The following TRIM39 variants were observed in gnomAD, a reference collection of about 807,000 sequenced individuals.
TRIM39 encodes tripartite motif containing 39, also known as E3 ubiquitin-protein ligase TRIM39.
In TRIM39, 5 loss-of-function variants were observed where a neutral mutation model predicts 53.6. The observed-to-expected ratio is 0.09, with a 90% CI of 0.05 to 0.20. TRIM39 has a LOEUF of 0.20. Ranked by LOEUF, TRIM39 falls within the 10% of genes least tolerant of loss-of-function variation. TRIM39 has a pLI of 1.00. For missense variants in TRIM39, 310 were observed against 621.0 expected (o/e 0.50, Z 5.32); for synonymous variants, 196 against 237.6 (o/e 0.82, Z 1.61).
rs181269032 is a variant in TRIM39 at position 30,333,741 on chromosome 6, C to T, written c.550-2004C>T. ...GTTCACTATGCCGGATTGTCTCACA[C>T]ATTGGAGGAGTGCTTGCGTCATTGT... is the stretch of plus-strand genomic sequence containing the variant. On this transcript the variant is annotated intron_variant, in intron 4 of 7. Coordinates refer to ENST00000396551, the Ensembl canonical transcript of TRIM39. Among the ~76,000 whole-genome samples, 1,094 of 152,232 alleles carry T rather than the reference C, an allele frequency of 7.2e-3. 11 individuals carry two copies. The highest frequency in any genetic ancestry group is 0.013 in the Non-Finnish European group (862 of 68,014).
intron 4 of TRIM39, among the ~76,000 whole-genome samples, chr6:30,332,895 T>G (rs182542527): frequency 5.9e-5 from 9 of 152,334 alleles, no homozygotes; most frequent in Admixed American, 2.0e-4. Flanking sequence ...AAAAATAATT[T>G]GTAATTATGC....
At chr6:30,343,068 A>T (rs140362243) in exon 8 of TRIM39, 6 of 152,802 alleles carry the variant, frequency 3.9e-5, no homozygotes, top group African/African-American at 1.2e-4. Context: ...GAGATCCTGC[A>T]AGACACATCT....
At chr6:30,329,410 G>A (rs1379928878) in exon 3 of TRIM39, 6 of 1,613,066 alleles carry the variant, frequency 3.7e-6, no homozygotes, top group Non-Finnish European at 5.1e-6. Flanking sequence ...GCTGCTCTGT[G>A]TGCCTGGAGT....
intron 4 of TRIM39, among the ~76,000 whole-genome samples, chr6:30,331,280 A>C (rs1331992609): frequency 1.0e-4 from 3 of 29,734 alleles, no homozygotes; most frequent in Admixed American, 4.2e-4. Context: ...AACAAACAAA[A>C]AAAACAAACA....
At chr6:30,337,329 C>T (rs189727166) in intron 5 of TRIM39, among the ~76,000 whole-genome samples, 9 of 152,120 alleles carry the variant, frequency 5.9e-5, no homozygotes, top group African/African-American at 1.9e-4. Context: ...CGCTTGAACC[C>T]GAGAGGCAGA....
At position 30,338,974 on chromosome 6, in the gene TRIM39, A is replaced by G. The variant is rs2127407914; in HGVS notation, c.781-934A>G. Among the ~76,000 whole-genome samples the G allele has an allele frequency of 6.6e-6, 1 of 152,174 alleles. No homozygotes were observed. ...TTGAAGCAGTGAGGCTTCATTGTAC[A>G]TTTATTTTTATGTTACGTATTGCTT... On this transcript the variant is annotated intron_variant, in intron 5 of 7. Coordinates refer to ENST00000396551, the Ensembl canonical transcript of TRIM39. The surrounding 1 kb of genome is among the most constrained non-coding windows in gnomAD (Gnocchi z 4.0).
intron 5 of TRIM39, among the ~76,000 whole-genome samples, chr6:30,337,787 C>T (rs1787042803): frequency 6.6e-6 from 1 of 152,224 alleles, no homozygotes. Flanking sequence ...CAGGCATTGA[C>T]TTCTCTCGAA....
At chr6:30,341,483 G>A (rs751475391) in intron 7 of TRIM39, 12 of 754,314 alleles carry the variant, frequency 1.6e-5, no homozygotes, top group Non-Finnish European at 2.6e-5. Context: ...ACCAGCCACT[G>A]CAGACTCAAG....
At chr6:30,327,190 C>T (rs1044492808) in intron 1 of TRIM39, 195 bp downstream of exon 1, 2 of 152,712 alleles carry the variant, frequency 1.3e-5, no homozygotes, top group Admixed American at 1.3e-4. Context: ...GCTTGGCTAC[C>T]CCGCCGTTCC....
chr6:30,337,099 C>G lies in TRIM39; in HGVS notation c.780+1124C>G, dbSNP rs571183159. Among the ~76,000 whole-genome samples the G allele has an allele frequency of 1.0e-3, 157 of 152,034 alleles. 3 individuals are homozygous for G. Among genetic ancestry groups the G allele is most frequent in the Admixed American group, 1.2e-3 (19 of 15,252 alleles). On this transcript the variant is annotated intron_variant, in intron 5 of 7. Transcript: ENST00000396551. The stretch of plus-strand genomic sequence containing the variant: ...ATCTTTTTTTCTGAGCAGTAGGTCT[C>G]AACTTAAAATTTTCAGTAAAGGGTT...
chr6:30,336,886 CTATT>C (rs1786928362), intron 5 of TRIM39, among the ~76,000 whole-genome samples: 1 of 152,164 alleles, frequency 6.6e-6, no homozygotes, highest in Non-Finnish European at 1.5e-5. Context: ...AGAAAAATCA[CTATT>C]TATAGCAGCT....
intron 4 of TRIM39, among the ~76,000 whole-genome samples, chr6:30,334,890 C>T (rs758566230): frequency 9.9e-5 from 15 of 151,940 alleles, no homozygotes; most frequent in Non-Finnish European, 1.9e-4. Flanking sequence ...TTGCCATGCC[C>T]GACTAATTTT....
chr6:30,341,825 C>T (rs1375880274), exon 8 of TRIM39: 1 of 1,613,052 alleles, frequency 6.2e-7, no homozygotes. Context: ...CACACCAAGG[C>T]GTTTCACCTT....
chr6:30,330,267 A>T (rs1785971278), intron 3 of TRIM39, among the ~76,000 whole-genome samples: 1 of 152,230 alleles, frequency 6.6e-6, no homozygotes, highest in Non-Finnish European at 1.5e-5. Flanking sequence ...CTGCTGAGAC[A>T]AAGGAAAATG....
In TRIM39 at chr6:30,342,472, G is replaced by C. The variant is rs1470159317; in HGVS notation, c.*213G>C. The stretch of plus-strand genomic sequence containing the variant: ...GCTGTGACTTCCTCCTAACTGTCAG[G>C]GTGGGGAGCTGGTTCCCAGAGGATT... On this transcript the variant is annotated 3_prime_UTR_variant, in exon 8 of 8. Coordinates refer to ENST00000396551, the Ensembl canonical transcript of TRIM39. This position sits in a 1 kb window ranked among gnomAD's most constrained non-coding sequence, Gnocchi z 4.7. 4 of 604,786 alleles carry C rather than the reference G, an allele frequency of 6.6e-6. No individual in the cohort carries two copies. The highest frequency in any genetic ancestry group is 2.1e-5 in the South Asian group (1 of 48,030). 37.5% of individuals were successfully genotyped at this position (604,786 alleles called of 1,614,324 possible). A position where few individuals can be genotyped will look rare whatever the true frequency, so the allele number is the denominator to read the frequency against.
At chr6:30,340,990 T>C (rs1216002173) in intron 7 of TRIM39, among the ~76,000 whole-genome samples, 1 of 152,084 alleles carries the variant, frequency 6.6e-6, no homozygotes, top group Non-Finnish European at 1.5e-5. Flanking sequence ...GGTGGATCAC[T>C]TGAGGTCAGG....
At position 30,335,336 on chromosome 6, in the gene TRIM39, C is replaced by T. The variant is rs1185660004; in HGVS notation, c.550-409C>T. ...CTTTCTGTCTTTCTTTCCTGTCTGTCTGTCTTTCATCTCGATCTGTTGCCC... is the reference window on the plus strand; with the variant it reads ...CTTTCTGTCTTTCTTTCCTGTCTGTTTGTCTTTCATCTCGATCTGTTGCCC... On this transcript the variant is annotated intron_variant, in intron 4 of 7. Transcript: ENST00000396551. The surrounding 1 kb of genome is among the most constrained non-coding windows in gnomAD (Gnocchi z 4.7). 1.3e-5 allele frequency among the ~76,000 whole-genome samples: 2 copies of T among 151,936 alleles called. No homozygotes were observed. The highest frequency in any genetic ancestry group is 2.4e-5 in the African/African-American group (1 of 41,332).
At chr6:30,330,680 GA>G in intron 3 of TRIM39, 100 bp from the exon 4 acceptor site, 3 of 1,281,706 alleles carry the variant, frequency 2.3e-6, no homozygotes, top group Non-Finnish European at 2.2e-6. Context: ...AGATGGCTAG[GA>G]AGCAAATAAA....
At chr6:30,341,811 C>T in exon 8 of TRIM39, 1 of 1,613,032 alleles carries the variant, frequency 6.2e-7, no homozygotes, top group Non-Finnish European at 8.5e-7. Context: ...CGGGATCTCC[C>T]TGACACACCA....
Sources: gnomAD v4.1 joint callset for allele counts (sites outside exome capture counted in the v4.1 genomes callset) on GRCh38, gnomAD v4.1.1 for gene constraint, Gnocchi (gnomAD v3.1) non-coding constraint, MANE v1.5 for transcripts, NCBI Gene and HGNC (gene_info 2026-07-23, HGNC 2026-07-21) for gene names.